BCR: variants seen among roughly 807,000 people sequenced by gnomAD.
BCR encodes the protein breakpoint cluster region protein.
Under a neutral mutation model 138.6 loss-of-function variants are expected in BCR, and 58 were observed. That is an observed-to-expected ratio of 0.42 (90% CI 0.34 to 0.52). BCR has a LOEUF of 0.52. BCR is among the 20% of genes least tolerant of loss of function. BCR has a pLI of 0.06. For missense variants in BCR, 1,599 were observed against 1,727.2 expected, an observed-to-expected ratio of 0.93 and a Z score of 1.32; for synonymous variants, 786 against 730.1, an observed-to-expected ratio of 1.08 and a Z score of -1.23.
At chr22:23,248,029 T>C (rs1248911387) in intron 1 of BCR, among the ~76,000 whole-genome samples, 1 of 152,212 alleles carries the variant, frequency 6.6e-6, no homozygotes, top group Admixed American at 6.5e-5. Context: ...TGTGCAAATA[T>C]GTCTTCAAGT....
At chr22:23,250,495 A>G (rs1454476467) in intron 1 of BCR, among the ~76,000 whole-genome samples, 2 of 152,244 alleles carry the variant, frequency 1.3e-5, no homozygotes, top group East Asian at 1.9e-4. Context: ...GACCAAAAAC[A>G]AAACTAAGAA....
At chr22:23,241,712 C>T (rs1276270964) in intron 1 of BCR, among the ~76,000 whole-genome samples, 1 of 152,146 alleles carries the variant, frequency 6.6e-6, no homozygotes, top group East Asian at 1.9e-4. Flanking sequence ...GTCAGTGCCC[C>T]TGCCTGCGTT....
rs2072239613 is a variant in BCR at position 23,180,904 on chromosome 22, C to CG, written c.-56dup. On this transcript the variant is annotated 5_prime_UTR_variant, in exon 1 of 23. The change abolishes the stop of an existing upstream ORF in the 5' untranslated region. Transcript: ENST00000305877. ...GGGCCGGGCTGGCGAGGCGCCGCGC[C>CG]GCCGCTGAGACGGGCCCCGCGCGCA... 11 of 1,018,938 alleles carry CG rather than the reference C, an allele frequency of 1.1e-5. No individual in the cohort carries two copies. The highest frequency in any genetic ancestry group is 1.2e-5 in the Non-Finnish European group (10 of 851,012). The allele number at this position is 1,018,938 out of a possible 1,614,324, so 63.1% of individuals were successfully genotyped here. A position where few individuals can be genotyped will look rare whatever the true frequency, so the allele number is the denominator to read the frequency against.
rs945403241 is a variant in BCR at position 23,196,921 on chromosome 22, C to T, written c.1279+14682C>T. Among the ~76,000 whole-genome samples, 13 of 152,300 alleles carry T rather than the reference C, an allele frequency of 8.5e-5. 1 individual carries two copies. The Middle Eastern group carries it at 0.02, about 239-fold the overall frequency. ...CCACGGACTGATACCAGTTCATGGC[C>T]CGGGGGTTGGGGACCCCTGCCCTTG... On this transcript the variant is annotated intron_variant, in intron 1 of 22. Coordinates refer to ENST00000305877, the MANE Select transcript of BCR (RefSeq NM_004327.4).
chr22:23,254,707 G>T, intron 2 of BCR: 1 of 428,180 alleles, frequency 2.3e-6, no homozygotes, highest in Non-Finnish European at 4.7e-6. Context: ...CTGGGGCCCA[G>T]ATGCTCACCC....
At chr22:23,191,489 G>A (rs1424566243) in intron 1 of BCR, among the ~76,000 whole-genome samples, 2 of 152,180 alleles carry the variant, frequency 1.3e-5, no homozygotes, top group African/African-American at 4.8e-5. Flanking sequence ...TAATGTCAAA[G>A]CATTTTCCCC....
intron 1 of BCR, among the ~76,000 whole-genome samples, chr22:23,192,100 G>A (rs566499391): frequency 6.6e-6 from 1 of 152,332 alleles, no homozygotes; most frequent in South Asian, 2.1e-4. Flanking sequence ...GGGCTGGGGT[G>A]TGAAGACCGG....
intron 5 of BCR, among the ~76,000 whole-genome samples, chr22:23,268,720 C>T (rs937491718): frequency 5.3e-5 from 8 of 152,202 alleles, no homozygotes; most frequent in Non-Finnish European, 2.9e-5. Context: ...CGTCCTGCCT[C>T]CCCGGGGGCG....
intron 1 of BCR, among the ~76,000 whole-genome samples, chr22:23,237,323 C>G (rs2213172): frequency 0.52 from 78,684 of 152,054 alleles, 20,625 homozygotes; most frequent in East Asian, 0.7. Context: ...TGAATCTCAC[C>G]TCCTCCCACG....
At chr22:23,266,986 C>G (rs1199361464) in intron 4 of BCR, among the ~76,000 whole-genome samples, 1 of 152,118 alleles carries the variant, frequency 6.6e-6, no homozygotes, top group East Asian at 1.9e-4. Flanking sequence ...CTGTCCTGGT[C>G]CTGACCACAT....
At chr22:23,284,894 C>T in intron 9 of BCR, 139 bp from the exon 10 acceptor site, 1 of 920,900 alleles carries the variant, frequency 1.1e-6, no homozygotes, top group South Asian at 1.7e-5. Context: ...CCCAGTCTGT[C>T]CCATGGAACA....
At chr22:23,290,000 A>G (rs1044623079) in intron 13 of BCR, 1 of 504,794 alleles carries the variant, frequency 2.0e-6, no homozygotes, top group African/African-American at 1.9e-5. Context: ...TCACTGTTGC[A>G]CATATGCTCA....
intron 1 of BCR, among the ~76,000 whole-genome samples, chr22:23,206,000 A>G (rs1365294242): frequency 1.3e-5 from 2 of 152,286 alleles, no homozygotes; most frequent in East Asian, 3.9e-4. Context: ...CTTCTCTCCT[A>G]TAGAACCTGT....
In BCR at chr22:23,316,452, C is replaced by T. The variant is rs112060998; in HGVS notation, c.*930C>T. 0.15 allele frequency: 19,003 copies of T among 128,200 alleles called. 424 individuals are homozygous for T. Among genetic ancestry groups the T allele is most frequent in the Non-Finnish European group, 0.18 (11,269 of 62,200 alleles). 7.9% of individuals were successfully genotyped at this position (128,200 alleles called of 1,614,324 possible). A position where few individuals can be genotyped will look rare whatever the true frequency, so the allele number is the denominator to read the frequency against. On this transcript the variant is annotated 3_prime_UTR_variant, in exon 23 of 23. Coordinates refer to ENST00000305877, the MANE Select transcript of BCR (RefSeq NM_004327.4). ...TTTTGTATAAGTCTCCACTTGGTGG[C>T]AGCAGCTTGCTGATGACTTGTTTTA... is the stretch of plus-strand genomic sequence containing the variant.
At chr22:23,229,381 T>A (rs1883386276) in intron 1 of BCR, among the ~76,000 whole-genome samples, 1 of 152,210 alleles carries the variant, frequency 6.6e-6, no homozygotes, top group Non-Finnish European at 1.5e-5. Context: ...TTTCACAGTT[T>A]ATGTTGCTTA....
chr22:23,198,861 T>C (rs1408811159), intron 1 of BCR, among the ~76,000 whole-genome samples: 1 of 152,156 alleles, frequency 6.6e-6, no homozygotes, highest in Non-Finnish European at 1.5e-5. Context: ...AGGTCACACC[T>C]GTAATCCCAG....
At chr22:23,214,599 C>T (rs1361270240) in intron 1 of BCR, among the ~76,000 whole-genome samples, 1 of 152,148 alleles carries the variant, frequency 6.6e-6, no homozygotes, top group Non-Finnish European at 1.5e-5. Flanking sequence ...AGGGTAGGGA[C>T]GGGGAAGCTG....
chr22:23,204,968 C>G (rs1414064919), intron 1 of BCR, among the ~76,000 whole-genome samples: 1 of 152,198 alleles, frequency 6.6e-6, no homozygotes, highest in East Asian at 1.9e-4. Context: ...CTGAGATGAG[C>G]AGGCATGCGT....
chr22:23,302,696 C>G (rs1415729355), intron 16 of BCR: 2 of 152,268 alleles, frequency 1.3e-5, no homozygotes, highest in Non-Finnish European at 2.9e-5. Flanking sequence ...CGCAGAGCGC[C>G]AATGGCATAG....
Sources: gnomAD v4.1 joint callset for allele counts (sites outside exome capture counted in the v4.1 genomes callset) on GRCh38, gnomAD v4.1.1 for gene constraint, MANE v1.5 for transcripts, NCBI Gene and HGNC (gene_info 2026-07-23, HGNC 2026-07-21) for gene names.